LMO7: variants seen among roughly 807,000 people sequenced by gnomAD.
LMO7 encodes the protein LIM domain 7, also known as LIM domain only protein 7.
Under a neutral mutation model 206.5 loss-of-function variants are expected in LMO7, and 120 were observed. The ratio of observed to expected loss-of-function variants is 0.58; its 90% confidence interval spans 0.50 to 0.68. The LOEUF (loss-of-function observed/expected upper bound fraction) is 0.68. Among genes scored for constraint, LMO7 ranks in the 30% least tolerant of loss-of-function variants. LMO7 has a pLI of 0.00. For missense variants in LMO7, 1,959 were observed against 1,957.9 expected, an observed-to-expected ratio of 1.00 and a Z score of -0.01; for synonymous variants, 706 against 681.5, an observed-to-expected ratio of 1.04 and a Z score of -0.56.
At chr13:75,719,378 AG>A (rs2043831301) in intron 2 of LMO7, among the ~76,000 whole-genome samples, 1 of 152,134 alleles carries the variant, frequency 6.6e-6, no homozygotes, top group Admixed American at 6.5e-5. Context: ...GTTGCTTCTC[AG>A]TTATGGCAAT....
chr13:75,816,625 G>A (rs1463898136), intron 11 of LMO7, among the ~76,000 whole-genome samples: 1 of 151,936 alleles, frequency 6.6e-6, no homozygotes, highest in Non-Finnish European at 1.5e-5. Flanking sequence ...GGTGCGTTGA[G>A]AACAAGTCTA....
At chr13:75,806,213 C>T (rs556638842) in intron 9 of LMO7, 17 of 992,634 alleles carry the variant, frequency 1.7e-5, no homozygotes, top group East Asian at 1.1e-4. Context: ...GTAAAATCAC[C>T]GGACTCCCAT....
At chr13:75,753,672 C>T (rs1468303113) in intron 3 of LMO7, among the ~76,000 whole-genome samples, 2 of 152,084 alleles carry the variant, frequency 1.3e-5, no homozygotes, top group East Asian at 3.9e-4. Context: ...GGGCTCTTCC[C>T]CTTTTGCTCA....
In LMO7 at chr13:75,707,172, C is replaced by A. The variant is rs546282081; in HGVS notation, c.70-6010C>A. 8.2e-4 allele frequency among the ~76,000 whole-genome samples: 124 copies of A among 151,174 alleles called. 2 individuals carry two copies. Among genetic ancestry groups the A allele is most frequent in the South Asian group, 4.8e-3 (23 of 4,798 alleles). On this transcript the variant is annotated intron_variant, in intron 1 of 30. Transcript: ENST00000377534. ...TTATTTATAAATTTATATATAAACA[C>A]CTGTAGTCTTTAAAGAATATAAACA...
At chr13:75,626,595 A>ATATATATATATATATATATATATTTTT in intron 2 of LMO7, among the ~76,000 whole-genome samples, 1 of 71,098 alleles carries the variant, frequency 1.4e-5, no homozygotes, top group Non-Finnish European at 3.6e-5. Flanking sequence ...ATATATATAA[A>ATATATATATATATATATATATATTTTT]TTTTTTTGAG....
At chr13:75,819,997 G>A (rs954913403) in intron 13 of LMO7, among the ~76,000 whole-genome samples, 7 of 152,084 alleles carry the variant, frequency 4.6e-5, no homozygotes, top group African/African-American at 1.7e-4. Flanking sequence ...AAATGTGTGT[G>A]TTTTACTTAC....
intron 1 of LMO7, among the ~76,000 whole-genome samples, chr13:75,691,672 C>G (rs1014763065): frequency 6.6e-6 from 1 of 152,140 alleles, no homozygotes; most frequent in African/African-American, 2.4e-5. Flanking sequence ...TCCTCTGTAC[C>G]CTACATACTA....
intron 25 of LMO7, 112 bp from the exon 26 acceptor site, chr13:75,845,215 C>T: frequency 1.9e-6 from 1 of 537,390 alleles, no homozygotes; most frequent in Non-Finnish European, 3.2e-6. Context: ...TCAGCAGACA[C>T]AGAAAATAAA....
intron 1 of LMO7, among the ~76,000 whole-genome samples, chr13:75,655,708 T>C (rs1156455083): frequency 2.0e-5 from 3 of 148,632 alleles, no homozygotes; most frequent in Non-Finnish European, 4.4e-5. Context: ...AAAAAGGTCT[T>C]TAAAAAAATA....
chr13:75,838,377 T>C (rs1333432847), intron 20 of LMO7, 181 bp downstream of exon 20: 2 of 1,484,088 alleles, frequency 1.3e-6, no homozygotes, highest in Non-Finnish European at 1.8e-6. Flanking sequence ...AGTTCATGGG[T>C]CTACCTCTGT....
intron 1 of LMO7, among the ~76,000 whole-genome samples, chr13:75,710,505 G>A (rs961861602): frequency 2.4e-4 from 37 of 151,774 alleles, no homozygotes; most frequent in African/African-American, 8.9e-4. Flanking sequence ...CCTTGAAGAG[G>A]TCCTTCACAT....
At chr13:75,622,781 A>G (rs773912960) in intron 1 of LMO7, among the ~76,000 whole-genome samples, 9 of 152,258 alleles carry the variant, frequency 5.9e-5, no homozygotes, top group Non-Finnish European at 1.3e-4. Context: ...TTGGCTGAAT[A>G]TATCAGGATA....
intron 5 of LMO7, 92 bp downstream of exon 5, chr13:75,795,523 C>T: frequency 1.2e-6 from 1 of 840,568 alleles, no homozygotes; most frequent in Non-Finnish European, 1.9e-6. Flanking sequence ...TACTCTACAT[C>T]TCTTTTCTAA....
At chr13:75,808,681 T>C (rs148654683) in intron 10 of LMO7, among the ~76,000 whole-genome samples, 63 of 152,352 alleles carry the variant, frequency 4.1e-4, no homozygotes, top group Non-Finnish European at 8.1e-4. Flanking sequence ...TTGTAACTTA[T>C]TTTTATTTAT....
intron 24 of LMO7, 75 bp from the exon 25 acceptor site, chr13:75,842,776 G>T: frequency 2.3e-6 from 2 of 866,844 alleles, no homozygotes; most frequent in Admixed American, 1.9e-5. Context: ...ACATTATTTT[G>T]ATACCCTTTT....
At chr13:75,640,919 C>T (rs2036471912) in intron 1 of LMO7, among the ~76,000 whole-genome samples, 3 of 152,168 alleles carry the variant, frequency 2.0e-5, no homozygotes, top group South Asian at 4.1e-4. Flanking sequence ...ACCCTCTTCC[C>T]GAGTCACCTT....
At chr13:75,768,312 C>T (rs763739295) in intron 4 of LMO7, among the ~76,000 whole-genome samples, 12 of 151,996 alleles carry the variant, frequency 7.9e-5, no homozygotes. Context: ...CCATTGGGAG[C>T]AGATATTAAA....
chr13:75,768,454 A>G (rs1379113991), intron 4 of LMO7, among the ~76,000 whole-genome samples: 2 of 152,122 alleles, frequency 1.3e-5, no homozygotes, highest in East Asian at 1.9e-4. Context: ...GCCTCTGTGT[A>G]TGTGGGGCCA....
At chr13:75,628,229 C>T (rs2034465867) in intron 2 of LMO7, 1 of 152,242 alleles carries the variant, frequency 6.6e-6, no homozygotes, top group Non-Finnish European at 1.5e-5. Context: ...ATTCATCATC[C>T]TAAAGCTGCA....
Sources: gnomAD v4.1 joint callset for allele counts (sites outside exome capture counted in the v4.1 genomes callset) on GRCh38, gnomAD v4.1.1 for gene constraint, MANE v1.5 for transcripts, NCBI Gene and HGNC (gene_info 2026-07-23, HGNC 2026-07-21) for gene names.